The following SH3PXD2A variants were observed in gnomAD, a reference collection of about 807,000 sequenced individuals.
The protein encoded by SH3PXD2A is SH3 and PX domain-containing protein 2A.
SH3PXD2A carries 32 observed loss-of-function variants against 115.2 expected under a neutral mutation model. That is an observed-to-expected ratio of 0.28 (90% CI 0.21 to 0.37). SH3PXD2A has a LOEUF of 0.37. Among genes scored for constraint, SH3PXD2A ranks in the 10% least tolerant of loss-of-function variants. SH3PXD2A has a pLI of 1.00. For missense variants in SH3PXD2A, 1,328 were observed against 1,498.7 expected, an observed-to-expected ratio of 0.89 and a Z score of 1.88; for synonymous variants, 610 against 629.1, an observed-to-expected ratio of 0.97 and a Z score of 0.45.
At chr10:103,805,260 G>A (rs1215503782) in intron 1 of SH3PXD2A, among the ~76,000 whole-genome samples, 1 of 152,162 alleles carries the variant, frequency 6.6e-6, no homozygotes, top group Admixed American at 6.5e-5. Flanking sequence ...GAAACCCAGG[G>A]GCCAGGGTGG....
intron 3 of SH3PXD2A, chr10:103,754,889 G>A (rs527508521): frequency 1.1e-4 from 16 of 152,136 alleles, no homozygotes; most frequent in African/African-American, 1.9e-4. Flanking sequence ...TGAACTGAAC[G>A]TAACCAAGCA....
chr10:103,807,045 C>T (rs2039212097), intron 1 of SH3PXD2A, among the ~76,000 whole-genome samples: 1 of 152,256 alleles, frequency 6.6e-6, no homozygotes, highest in Non-Finnish European at 1.5e-5. Flanking sequence ...CCAAAATCGC[C>T]TTCCCAGTGG....
chr10:103,672,670 T>C (rs953363091), intron 6 of SH3PXD2A, among the ~76,000 whole-genome samples: 1 of 152,246 alleles, frequency 6.6e-6, no homozygotes, highest in Non-Finnish European at 1.5e-5. Flanking sequence ...TTCCTTCTTC[T>C]GTAAACGGGG....
chr10:103,753,945 C>T (rs2134208502), intron 3 of SH3PXD2A: 1 of 152,312 alleles, frequency 6.6e-6, no homozygotes, highest in South Asian at 2.1e-4. Flanking sequence ...AACAAGACCA[C>T]ATAGGTCTCA....
At chr10:103,735,861 A>G in intron 3 of SH3PXD2A, 53 bp from the exon 4 acceptor site, 3 of 1,370,220 alleles carry the variant, frequency 2.2e-6, no homozygotes, top group Admixed American at 1.7e-5. Flanking sequence ...TGCTACAGAG[A>G]CCTTCTCATT....
chr10:103,615,707 G>T (rs2036508688), intron 11 of SH3PXD2A, among the ~76,000 whole-genome samples: 1 of 152,082 alleles, frequency 6.6e-6, no homozygotes, highest in Non-Finnish European at 1.5e-5. Flanking sequence ...GGGGATAGGA[G>T]CGGACTAGAA....
intron 5 of SH3PXD2A, among the ~76,000 whole-genome samples, chr10:103,718,839 C>T (rs2038141952): frequency 2.0e-5 from 3 of 151,262 alleles, no homozygotes; most frequent in Admixed American, 2.0e-4. Context: ...TCCAAGAACA[C>T]ACTGCTAGGG....
intron 3 of SH3PXD2A, chr10:103,754,907 A>T (rs1256970149): frequency 6.6e-6 from 1 of 152,194 alleles, no homozygotes; most frequent in East Asian, 1.9e-4. Context: ...GCACCAAGAG[A>T]GCCCTAAAGA....
chr10:103,677,081 C>T lies in SH3PXD2A; in HGVS notation c.428-8429G>A, dbSNP rs149870715. Among the ~76,000 whole-genome samples, 58 of 152,318 alleles carry T rather than the reference C, an allele frequency of 3.8e-4. 1 individual carries two copies. In the East Asian group the frequency reaches 8.9e-3, roughly 23 times the overall value. On this transcript the variant is annotated intron_variant, in intron 6 of 14. Coordinates refer to ENST00000369774, the MANE Select transcript of SH3PXD2A (RefSeq NM_001394015.1). ...CCTGGCTCAGTCTCCCTGAGAGCCG[C>T]GAGTGAGTGATGGAGTCAATAGCAA...
intron 10 of SH3PXD2A, 28 bp from the exon 11 acceptor site, chr10:103,617,342 T>C: frequency 6.5e-7 from 1 of 1,530,122 alleles, no homozygotes; most frequent in Non-Finnish European, 9.1e-7. Context: ...CAAGCAAGAT[T>C]ATTTGAGGTC....
chr10:103,775,575 G>A (rs758282280), intron 2 of SH3PXD2A, among the ~76,000 whole-genome samples: 6 of 152,216 alleles, frequency 3.9e-5, no homozygotes, highest in South Asian at 2.1e-4. Flanking sequence ...ACTTATGCTC[G>A]GCAGTGGGCC....
chr10:103,810,631 G>A (rs1017894398), intron 1 of SH3PXD2A, among the ~76,000 whole-genome samples: 1 of 152,070 alleles, frequency 6.6e-6, no homozygotes, highest in South Asian at 2.1e-4. Context: ...GGAGTGTCTC[G>A]TTAAATGTGG....
intron 5 of SH3PXD2A, among the ~76,000 whole-genome samples, chr10:103,699,050 G>A (rs976854521): frequency 6.6e-6 from 1 of 152,176 alleles, no homozygotes; most frequent in Non-Finnish European, 1.5e-5. Flanking sequence ...CAGAATTGGG[G>A]AGTGATTTGG....
chr10:103,753,317 C>CAAAAAAAAAAAAAAAAAA (rs60364879), intron 3 of SH3PXD2A, among the ~76,000 whole-genome samples: 1 of 62,856 alleles, frequency 1.6e-5, no homozygotes, highest in African/African-American at 6.3e-5. Flanking sequence ...CTGCCTCTAC[C>CAAAAAAAAAAAAAAAAAA]AAAAAAAAAA....
chr10:103,779,557 C>T (rs1313432381), intron 2 of SH3PXD2A, among the ~76,000 whole-genome samples: 3 of 152,160 alleles, frequency 2.0e-5, no homozygotes, highest in African/African-American at 7.2e-5. Context: ...ACTTCCTCCT[C>T]CAGGCAATAG....
chr10:103,706,712 C>T (rs952548940), intron 5 of SH3PXD2A, among the ~76,000 whole-genome samples: 7 of 152,148 alleles, frequency 4.6e-5, no homozygotes, highest in Non-Finnish European at 1.0e-4. Flanking sequence ...GCTGGTCAGA[C>T]GCTGCTAACA....
intron 5 of SH3PXD2A, among the ~76,000 whole-genome samples, chr10:103,699,618 T>C (rs1296171138): frequency 3.3e-5 from 5 of 152,306 alleles, no homozygotes; most frequent in African/African-American, 4.8e-5. Flanking sequence ...GGGTTTTTTT[T>C]CCACCCCTTA....
At chr10:103,807,388 G>T (rs747508645) in intron 1 of SH3PXD2A, among the ~76,000 whole-genome samples, 1 of 152,206 alleles carries the variant, frequency 6.6e-6, no homozygotes, top group Non-Finnish European at 1.5e-5. Flanking sequence ...CCCATTTACT[G>T]AGGAAGGCCT....
In SH3PXD2A at chr10:103,699,764, C is replaced by T. The variant is rs1331508001; in HGVS notation, c.399-6708G>A. ...CCCCCATTTGCTCCCTGATCTAAAT[C>T]GTGGCACTGAGGGCCCTTGTGTTTA... On this transcript the variant is annotated intron_variant, in intron 5 of 14. Transcript: ENST00000369774. Among the ~76,000 whole-genome samples, 6 of 152,344 alleles carry T rather than the reference C, an allele frequency of 3.9e-5. No individual in the cohort carries two copies. The East Asian group carries it at 7.7e-4, about 20-fold the overall frequency.
Sources: gnomAD v4.1 joint callset for allele counts (sites outside exome capture counted in the v4.1 genomes callset) on GRCh38, gnomAD v4.1.1 for gene constraint, MANE v1.5 for transcripts, NCBI Gene and HGNC (gene_info 2026-07-23, HGNC 2026-07-21) for gene names.